Variants in VEPH1 observed in about 807,000 individuals in gnomAD.
The protein encoded by VEPH1 is ventricular zone expressed PH domain containing 1.
VEPH1 carries 80 observed loss-of-function variants against 85.2 expected under a neutral mutation model. The observed-to-expected ratio is 0.94, with a 90% CI of 0.78 to 1.13. The LOEUF is 1.13. Ranked by LOEUF, VEPH1 falls within the 50% of genes most tolerant of loss-of-function variation. The pLI, the probability that VEPH1 is intolerant of heterozygous loss-of-function variation, is 0.00. For missense variants in VEPH1, 955 were observed against 980.5 expected, an observed-to-expected ratio of 0.97 and a Z score of 0.35; for synonymous variants, 297 against 348.0, an observed-to-expected ratio of 0.85 and a Z score of 1.63.
At position 157,470,483 on chromosome 3, in the gene VEPH1, A is replaced by T; in HGVS notation, c.185T>A (p.Ile62Asn). ...NNDQAVVEIC[I>N]TRITTAIRET... ...TCTGATGGCTGTTGTGATTCTTGTG[A>T]TACAGATTTCAACTACTGCCTGGTC... Residue 62 changes from isoleucine (I) to asparagine (N), a missense_variant, in exon 3 of 14, where the codon ATC becomes AAC. Physicochemically the swap from Ile to Asn is moderately radical, Grantham distance 149. Transcript: ENST00000362010. 1 of 1,614,146 alleles carries T rather than the reference A, an allele frequency of 6.2e-7. No homozygotes were observed.
At chr3:157,474,497 C>T in intron 2 of VEPH1, among the ~76,000 whole-genome samples, 1 of 152,206 alleles carries the variant, frequency 6.6e-6, no homozygotes, top group East Asian at 1.9e-4. Flanking sequence ...GTTGTTAACT[C>T]TCTTTCTGTA....
intron 2 of VEPH1, among the ~76,000 whole-genome samples, chr3:157,477,815 C>G (rs541987553): frequency 1.8e-4 from 27 of 152,242 alleles, no homozygotes; most frequent in Admixed American, 8.5e-4. Context: ...GAAGCTAATG[C>G]TGGGCCCGAA....
At position 157,432,094 on chromosome 3, in the gene VEPH1, C is replaced by T. The variant is rs572223881; in HGVS notation, c.530-3606G>A. Among the ~76,000 whole-genome samples the T allele has an allele frequency of 1.6e-4, 24 of 151,990 alleles. 1 individual carries two copies. The South Asian group carries it at 4.4e-3, about 28-fold the overall frequency. ...CAAACTCCTGACCTTGTGATCTGCCCGCCTCAGCCTCTCAAAGTGCTGGGA... is the reference window on the plus strand; with the variant it reads ...CAAACTCCTGACCTTGTGATCTGCCTGCCTCAGCCTCTCAAAGTGCTGGGA... On this transcript the variant is annotated intron_variant, in intron 4 of 13. Transcript: ENST00000362010.
In VEPH1 at chr3:157,470,477, C is replaced by T; in HGVS notation, c.191G>A (p.Arg64Lys). The T allele has an allele frequency of 6.2e-7, 1 of 1,614,112 alleles. No homozygotes were observed. The highest frequency in any genetic ancestry group is 8.5e-7 in the Non-Finnish European group (1 of 1,180,018). Residue 64 changes from arginine (R) to lysine (K), a missense_variant, in exon 3 of 14, where the codon AGA becomes AAA. Arg to Lys is a conservative substitution (Grantham distance 26). Transcript: ENST00000362010. Reference protein sequence around the residue: ...DQAVVEICITRITTAIRETES... With the variant: ...DQAVVEICITKITTAIRETES... ...GGTCTCTCTGATGGCTGTTGTGATT[C>T]TTGTGATACAGATTTCAACTACTGC...
chr3:157,387,624 C>G (rs1418822347), intron 6 of VEPH1, among the ~76,000 whole-genome samples: 3 of 152,176 alleles, frequency 2.0e-5, no homozygotes, highest in African/African-American at 7.2e-5. Context: ...TAGACGTCAC[C>G]AGCTGATGAT....
chr3:157,338,418 T>C (rs1452537031), intron 9 of VEPH1, among the ~76,000 whole-genome samples: 1 of 152,246 alleles, frequency 6.6e-6, no homozygotes, highest in Non-Finnish European at 1.5e-5. Flanking sequence ...ACATTGAATA[T>C]TGCTAGCTTA....
At chr3:157,310,091 G>A (rs1473930332) in intron 11 of VEPH1, among the ~76,000 whole-genome samples, 1 of 152,154 alleles carries the variant, frequency 6.6e-6, no homozygotes, top group Admixed American at 6.5e-5. Context: ...TACTGCACCT[G>A]GCTGAATTTG....
intron 4 of VEPH1, chr3:157,436,782 G>C: frequency 5.5e-6 from 3 of 546,718 alleles, no homozygotes; most frequent in Non-Finnish European, 8.3e-6. Context: ...AGTGCCACCA[G>C]CATTACTCAT....
intron 11 of VEPH1, among the ~76,000 whole-genome samples, chr3:157,292,490 G>C (rs1717600527): frequency 6.6e-6 from 1 of 151,906 alleles, no homozygotes; most frequent in Non-Finnish European, 1.5e-5. Context: ...TCAGGAGTTG[G>C]AGACCAGCCT....
chr3:157,371,948 C>A (rs929504569), intron 7 of VEPH1, among the ~76,000 whole-genome samples: 1 of 152,018 alleles, frequency 6.6e-6, no homozygotes, highest in Admixed American at 6.6e-5. Flanking sequence ...GAACTGCCAC[C>A]CAGATATAAC....
At chr3:157,310,713 C>G (rs1035632237) in intron 11 of VEPH1, among the ~76,000 whole-genome samples, 2 of 152,186 alleles carry the variant, frequency 1.3e-5, no homozygotes, top group African/African-American at 2.4e-5. Context: ...CTTCTGGCAA[C>G]TCAATTTCAA....
At chr3:157,347,514 C>G (rs1724359810) in intron 9 of VEPH1, among the ~76,000 whole-genome samples, 1 of 152,154 alleles carries the variant, frequency 6.6e-6, no homozygotes, top group Non-Finnish European at 1.5e-5. Flanking sequence ...CACTCTTTCT[C>G]CCAACAGGAG....
chr3:157,300,156 G>A (rs1718623058), intron 11 of VEPH1, among the ~76,000 whole-genome samples: 1 of 151,856 alleles, frequency 6.6e-6, no homozygotes, highest in Non-Finnish European at 1.5e-5. Flanking sequence ...GGTGTTTGTT[G>A]GCATTCACAT....
chr3:157,478,060 T>A (rs1455036083), intron 2 of VEPH1, among the ~76,000 whole-genome samples: 1 of 152,144 alleles, frequency 6.6e-6, no homozygotes, highest in Non-Finnish European at 1.5e-5. Context: ...AGGTACTCAT[T>A]CTCTCAGCTG....
At chr3:157,295,969 A>G (rs1281952719) in intron 11 of VEPH1, among the ~76,000 whole-genome samples, 1 of 152,184 alleles carries the variant, frequency 6.6e-6, no homozygotes, top group African/African-American at 2.4e-5. Context: ...AAAAATAAAT[A>G]AATAAATAAA....
intron 9 of VEPH1, among the ~76,000 whole-genome samples, chr3:157,322,738 A>G (rs1489093471): frequency 6.6e-5 from 10 of 152,200 alleles, no homozygotes; most frequent in Admixed American, 4.6e-4. Context: ...CTAGCGTGAC[A>G]GGAACCCTTG....
Position 157,381,346 on chromosome 3 carries a change from C to G in VEPH1, c.937G>C (p.Val313Leu). 6.2e-7 allele frequency: 1 copy of G among 1,614,154 alleles called. No individual in the cohort carries two copies. Among genetic ancestry groups the G allele is most frequent in the Non-Finnish European group, 8.5e-7 (1 of 1,180,030 alleles). Residue 313 changes from valine to leucine, a missense_variant, in exon 7 of 14, where the codon GTG (valine) becomes CTG (leucine). By Grantham distance (32) the Val-to-Leu change is conservative. Transcript: ENST00000362010. The part of the protein sequence containing the change: ...ERARSCLTYL[V>L]SQLANMEHSF... ...TGCTCCATGTTGGCCAGTTGGCTCA[C>G]CAGGTATGTCAGGCAGCTCCTGGCT...
chr3:157,382,247 C>T (rs770897709), intron 6 of VEPH1, among the ~76,000 whole-genome samples: 5 of 152,190 alleles, frequency 3.3e-5, no homozygotes, highest in Admixed American at 6.5e-5. Flanking sequence ...CTAACTTTCA[C>T]AGTCATTTAA....
At chr3:157,264,277 C>T (rs369345994) in intron 13 of VEPH1, among the ~76,000 whole-genome samples, 1 of 152,336 alleles carries the variant, frequency 6.6e-6, no homozygotes, top group African/African-American at 2.4e-5. Context: ...GGTTCTCAGG[C>T]CTTTGGCCTT....
Sources: allele counts gnomAD v4.1 joint callset (sites outside exome capture counted in the v4.1 genomes callset), GRCh38; gene constraint gnomAD v4.1.1; transcripts MANE v1.5; gene names NCBI Gene and HGNC (gene_info 2026-07-23, HGNC 2026-07-21).